The following WNT11 variants were observed in gnomAD, a reference collection of about 807,000 sequenced individuals.
The protein encoded by WNT11 is protein Wnt-11.
In WNT11, 20 loss-of-function variants were observed where a neutral mutation model predicts 35.6. That is an observed-to-expected ratio of 0.56 (90% confidence interval 0.40 to 0.82). WNT11 has a LOEUF of 0.82. Among genes scored for constraint, WNT11 ranks in the 40% least tolerant of loss-of-function variants. WNT11 has a pLI of 0.00. For missense variants in WNT11, 459 were observed against 504.4 expected (o/e 0.91, Z 0.86); for synonymous variants, 200 against 211.9 (o/e 0.94, Z 0.49).
chr11:76,187,288 C>T, intron 4 of WNT11, 49 bp from the exon 5 acceptor site: 1 of 1,556,292 alleles, frequency 6.4e-7, no homozygotes, highest in Non-Finnish European at 8.7e-7. Context: ...GTCACCACCC[C>T]ACCAACACCC....
Position 76,194,737 on chromosome 11 carries a change from C to T in WNT11, c.427G>A (p.Val143Ile), listed in dbSNP as rs750177815. ...CCGGGCCCGGGTGGCTCACCTGGGA[C>T]GGGGCCGCAGGAGCAGCCGGGCAGG... is the stretch of plus-strand genomic sequence containing the variant. ...GDLPGCSCGP[V>I]PGEPPGPGNR... The change falls in exon 3 of 5, where the codon GTC (valine) becomes ATC (isoleucine). Residue 143 changes from valine (V) to isoleucine (I), a missense_variant. Transcript: ENST00000322563. This position sits in a 1 kb window ranked among gnomAD's most constrained non-coding sequence, Gnocchi z 5.4. The T allele has an allele frequency of 3.7e-5, 57 of 1,550,834 alleles. No individual in the cohort carries two copies. Among genetic ancestry groups the T allele is most frequent in the East Asian group, 2.7e-4 (11 of 41,030 alleles).
intron 2 of WNT11, 40 bp downstream of exon 2, chr11:76,196,443 C>T: frequency 6.2e-7 from 1 of 1,604,540 alleles, no homozygotes; most frequent in South Asian, 1.1e-5. Context: ...AATTCCTTCA[C>T]CCGCACCCAC....
intron 1 of WNT11, among the ~76,000 whole-genome samples, chr11:76,201,236 G>T (rs771531868): frequency 2.6e-5 from 4 of 152,234 alleles, no homozygotes; most frequent in Non-Finnish European, 5.9e-5. Flanking sequence ...CAGTGTGAAG[G>T]CCCAGGGGCC....
chr11:76,189,616 C>T (rs1953151025), intron 4 of WNT11, among the ~76,000 whole-genome samples: 1 of 152,166 alleles, frequency 6.6e-6, no homozygotes, highest in South Asian at 2.1e-4. Flanking sequence ...TCACTTACAC[C>T]CAACCCCCAA....
upstream of WNT11, among the ~76,000 whole-genome samples, chr11:76,209,370 G>A (rs139379967): frequency 8.4e-3 from 1,075 of 128,560 alleles, 17 homozygotes; most frequent in African/African-American, 0.031. Flanking sequence ...ACTCTGGAAA[G>A]CCGGCCGCTG....
chr11:76,195,069 C>T (rs1444822948), intron 2 of WNT11: 14 of 551,122 alleles, frequency 2.5e-5, no homozygotes, highest in Middle Eastern at 4.7e-4. Flanking sequence ...CCCTCACCCA[C>T]GTCCTCCTAC....
intron 3 of WNT11, 32 bp from the exon 4 acceptor site, chr11:76,191,888 C>T: frequency 1.3e-6 from 2 of 1,576,024 alleles, no homozygotes; most frequent in South Asian, 1.1e-5. Context: ...AGCTGGGTGG[C>T]CAGAGTCCCC....
chr11:76,196,811 T>G, intron 1 of WNT11, 93 bp from the exon 2 acceptor site: 2 of 1,371,920 alleles, frequency 1.5e-6, no homozygotes. Context: ...CCCCAGCCTT[T>G]CCCTCAATGG....
At chr11:76,199,008 T>C (rs1170769057) in intron 1 of WNT11, among the ~76,000 whole-genome samples, 2 of 152,134 alleles carry the variant, frequency 1.3e-5, no homozygotes, top group East Asian at 1.9e-4. Flanking sequence ...TGGTGGCGCA[T>C]GCCTGTAATC....
chr11:76,187,165 GTGTAGGGGT>G lies in WNT11; in HGVS notation c.956_964del (p.Asn319_Tyr321del). Reference sequence around the variant, plus strand: ...GTGGCACCGCTCGACCACGCGGTCTGTGTAGGGGTTGTAGCCACGCCCGCAGCACATAAG... The same window carrying G: ...GTGGCACCGCTCGACCACGCGGTCTGTGTAGCCACGCCCGCAGCACATAAG... On this transcript the variant is annotated inframe_deletion, in exon 5 of 5. Coordinates refer to ENST00000322563, the MANE Select transcript of WNT11 (RefSeq NM_004626.3). 3 of 1,611,566 alleles carry G rather than the reference GTGTAGGGGT, an allele frequency of 1.9e-6. No individual in the cohort carries two copies. The highest frequency in any genetic ancestry group is 2.5e-6 in the Non-Finnish European group (3 of 1,180,014).
chr11:76,186,816 C>T lies in WNT11; in HGVS notation c.*249G>A, dbSNP rs1270914209. The T allele has an allele frequency of 1.6e-6, 1 of 628,526 alleles. No homozygotes were observed. The highest frequency in any genetic ancestry group is 2.1e-5 in the Admixed American group (1 of 47,056). The allele number at this position is 628,526 out of a possible 1,614,324, so 38.9% of individuals were successfully genotyped here. On this transcript the variant is annotated 3_prime_UTR_variant, in exon 5 of 5. Coordinates refer to ENST00000322563, the MANE Select transcript of WNT11 (RefSeq NM_004626.3). ...CTCCTTACACCAGCCTGTGGGCACT[C>T]CAGAGCCTCAGGCTGCCAAGTTATT...
chr11:76,207,796 C>G (rs1272795797), upstream of WNT11, among the ~76,000 whole-genome samples: 1 of 152,090 alleles, frequency 6.6e-6, no homozygotes, highest in Non-Finnish European at 1.5e-5. Flanking sequence ...GCCCCGCCCG[C>G]CCGCAGCCCG....
Position 76,191,551 on chromosome 11 carries a change from C to T in WNT11, c.890+13G>A. 1 of 1,602,862 alleles carries T rather than the reference C, an allele frequency of 6.2e-7. No individual in the cohort carries two copies. The highest frequency in any genetic ancestry group is 2.2e-5 in the East Asian group (1 of 44,572). On this transcript the variant is annotated intron_variant, in intron 4 of 4. Coordinates refer to ENST00000322563, the MANE Select transcript of WNT11 (RefSeq NM_004626.3). ...CAGTGACCCTTTCCCACCAAGGTGG[C>T]AGCAGGCCTCACCTGTCTTGTGTCC... is the stretch of plus-strand genomic sequence containing the variant.
At chr11:76,209,531 T>G (rs1403893814), upstream of WNT11, among the ~76,000 whole-genome samples, 1 of 152,168 alleles carries the variant, frequency 6.6e-6, no homozygotes, top group Non-Finnish European at 1.5e-5. Flanking sequence ...CTCACGGAGC[T>G]GACCCCGCCA....
rs761208995 is a variant in WNT11 at position 76,191,696 on chromosome 11, C to A, written c.758G>T (p.Gly253Val). The A allele has an allele frequency of 3.7e-6, 6 of 1,613,952 alleles. No homozygotes were observed. The South Asian group carries it at 4.4e-5, about 12-fold the overall frequency. Reference sequence around the variant, plus strand: ...CTTGGGCACCAGGTGCTTGCGGGTGCCCATGGGTCGGTGCACTACCTTGGT... The same window carrying A: ...CTTGGGCACCAGGTGCTTGCGGGTGACCATGGGTCGGTGCACTACCTTGGT... ...SATKVVHRPM[G>V]TRKHLVPKDL... The change falls in exon 4 of 5, where the codon GGC becomes GTC. Residue 253 changes from glycine (G) to valine (V), a missense_variant. Coordinates refer to ENST00000322563, the MANE Select transcript of WNT11 (RefSeq NM_004626.3).
chr11:76,206,046 G>A (rs1446720278), intron 1 of WNT11, among the ~76,000 whole-genome samples: 3 of 152,334 alleles, frequency 2.0e-5, no homozygotes, highest in Non-Finnish European at 2.9e-5. Flanking sequence ...CCCTGCGGAG[G>A]TGGCCAGAAA....
At chr11:76,206,589 C>G (rs1953479456), upstream of WNT11, 1 of 1,152,788 alleles carries the variant, frequency 8.7e-7, no homozygotes, top group Non-Finnish European at 1.1e-6. Flanking sequence ...GGTCGGGGCC[C>G]GGGGAGGCCG....
rs765068944 is a variant in WNT11 at position 76,187,005 on chromosome 11, C to T, written c.*60G>A. The T allele has an allele frequency of 6.3e-7, 1 of 1,599,732 alleles. No individual in the cohort carries two copies. Among genetic ancestry groups the T allele is most frequent in the African/African-American group, 1.3e-5 (1 of 74,890 alleles). ...ATGGAGTGTCTCCAGGCCCCTGGCC[C>T]CAGTTGCTGAGGGTCCTTGAGCAGA... On this transcript the variant is annotated 3_prime_UTR_variant, in exon 5 of 5. Coordinates refer to ENST00000322563, the MANE Select transcript of WNT11 (RefSeq NM_004626.3).
rs533321665 is a variant in WNT11, at chr11:76,189,806, G to A, written c.890+1758C>T. 2.0e-5 allele frequency among the ~76,000 whole-genome samples: 3 copies of A among 152,354 alleles called. No individual in the cohort carries two copies. In the East Asian group the frequency reaches 5.8e-4, roughly 29 times the overall value. On this transcript the variant is annotated intron_variant, in intron 4 of 4. Coordinates refer to ENST00000322563, the MANE Select transcript of WNT11 (RefSeq NM_004626.3). ...AGACACAGCTGACATGCAGTCTCAT[G>A]TAATGGGCACAAGAAATGCTTGTGG... is the stretch of plus-strand genomic sequence containing the variant.
Sources: allele counts gnomAD v4.1 joint callset (sites outside exome capture counted in the v4.1 genomes callset), GRCh38; gene constraint gnomAD v4.1.1; non-coding constraint Gnocchi (gnomAD v3.1); transcripts MANE v1.5; gene names NCBI Gene and HGNC (gene_info 2026-07-23, HGNC 2026-07-21).